The following SLC5A11 variants were observed in gnomAD, a reference collection of about 807,000 sequenced individuals.
SLC5A11 encodes the protein solute carrier family 5 member 11, also known as sodium/myo-inositol cotransporter 2.
Under a neutral mutation model 69.8 loss-of-function variants are expected in SLC5A11, and 48 were observed. The ratio of observed to expected loss-of-function variants is 0.69; its 90% CI spans 0.55 to 0.87. The LOEUF is 0.87. Among genes scored for constraint, SLC5A11 ranks in the 40% least tolerant of loss-of-function variants. The pLI is 0.00. For synonymous variants in SLC5A11, 319 were observed against 342.4 expected (o/e 0.93, Z 0.75); for missense variants, 784 against 866.1 (o/e 0.91, Z 1.19).
intron 3 of SLC5A11, among the ~76,000 whole-genome samples, chr16:24,863,116 A>G (rs1258375287): frequency 6.8e-6 from 1 of 146,570 alleles, no homozygotes; most frequent in Non-Finnish European, 1.5e-5. Context: ...TATAATAAAT[A>G]TGTAAATATA....
chr16:24,906,620 C>A (rs761251826), intron 10 of SLC5A11, 37 bp from the exon 12 acceptor site: 3 of 1,478,610 alleles, frequency 2.0e-6, no homozygotes, highest in Non-Finnish European at 2.8e-6. Context: ...CTCTGGGGGC[C>A]TGACTGCTCA....
intron 10 of SLC5A11, among the ~76,000 whole-genome samples, chr16:24,901,849 C>T (rs887575382): frequency 6.6e-5 from 10 of 151,468 alleles, no homozygotes; most frequent in Non-Finnish European, 1.5e-4. Flanking sequence ...CTTTGGGAGG[C>T]CAAGGCAGGA....
In SLC5A11 at chr16:24,884,142, T is replaced by A. The variant is rs765283713; in HGVS notation, c.664+11T>A. On this transcript the variant is annotated intron_variant, in intron 8 of 15. Transcript: ENST00000347898. Reference sequence around the variant, plus strand: ...CCTTGATGGGCTACAGTAAGTGGGGTCCCCGGGTCACTGGGGCGGACAACA... The same window carrying A: ...CCTTGATGGGCTACAGTAAGTGGGGACCCCGGGTCACTGGGGCGGACAACA... 1.9e-6 allele frequency: 3 copies of A among 1,613,566 alleles called. No homozygotes were observed. Among genetic ancestry groups the A allele is most frequent in the Non-Finnish European group, 2.5e-6 (3 of 1,179,678 alleles).
At chr16:24,891,210 T>C (rs1037153185) in intron 9 of SLC5A11, 136 bp downstream of exon 10, 3 of 753,450 alleles carry the variant, frequency 4.0e-6, no homozygotes, top group Non-Finnish European at 6.6e-6. Context: ...CTTCCTCCTT[T>C]CCATTGCTCT....
chr16:24,885,390 T>TA (rs36056500), intron 8 of SLC5A11, among the ~76,000 whole-genome samples: 58,042 of 151,926 alleles, frequency 0.38, 12,293 homozygotes, highest in Non-Finnish European at 0.48. Flanking sequence ...CTCACACCTG[T>TA]AATCCCAGCA....
chr16:24,884,171 C>T (rs375563059), intron 8 of SLC5A11, 40 bp downstream of exon 9: 4 of 1,585,368 alleles, frequency 2.5e-6, no homozygotes, highest in Non-Finnish European at 3.5e-6. Flanking sequence ...GACAACAGCA[C>T]CTCTCTCCAG....
At chr16:24,865,079 G>A (rs905313784) in intron 3 of SLC5A11, among the ~76,000 whole-genome samples, 3 of 151,868 alleles carry the variant, frequency 2.0e-5, no homozygotes, top group African/African-American at 7.3e-5. Context: ...GGGGCAGAAA[G>A]AATAATAAAA....
intron 10 of SLC5A11, among the ~76,000 whole-genome samples, chr16:24,902,960 T>C (rs1219408987): frequency 6.6e-6 from 1 of 152,210 alleles, no homozygotes; most frequent in Non-Finnish European, 1.5e-5. Flanking sequence ...TACTCTATCA[T>C]ATGATACAAG....
At chr16:24,872,052 C>T (rs2047337448) in intron 4 of SLC5A11, 108 bp from the exon 6 acceptor site, 1 of 1,261,024 alleles carries the variant, frequency 7.9e-7, no homozygotes, top group Non-Finnish European at 1.2e-6. Flanking sequence ...TAAGAGACTA[C>T]ACCAGAGGTG....
At chr16:24,853,078 C>T (rs1206354145) in intron 1 of SLC5A11, among the ~76,000 whole-genome samples, 1 of 151,670 alleles carries the variant, frequency 6.6e-6, no homozygotes, top group South Asian at 2.1e-4. Flanking sequence ...GGGTCTAGCA[C>T]AGAGCATGGC....
intron 9 of SLC5A11, among the ~76,000 whole-genome samples, chr16:24,897,575 C>T (rs1223355261): frequency 1.3e-5 from 2 of 152,160 alleles, no homozygotes; most frequent in East Asian, 3.9e-4. Context: ...CCTTCTAATA[C>T]AGTCTGTTCT....
At chr16:24,859,691 G>C (rs1168730920) in intron 2 of SLC5A11, among the ~76,000 whole-genome samples, 2 of 152,072 alleles carry the variant, frequency 1.3e-5, no homozygotes, top group Non-Finnish European at 2.9e-5. Flanking sequence ...TCACTTCTCA[G>C]TATCTTTTAG....
chr16:24,855,954 C>T (rs1037274790), intron 1 of SLC5A11, among the ~76,000 whole-genome samples: 3 of 152,172 alleles, frequency 2.0e-5, no homozygotes, highest in Non-Finnish European at 2.9e-5. Flanking sequence ...GGAGTCACTA[C>T]CTCCAGAATA....
chr16:24,908,455 C>T (rs961862233), intron 13 of SLC5A11, among the ~76,000 whole-genome samples: 15 of 151,606 alleles, frequency 9.9e-5, no homozygotes, highest in South Asian at 2.1e-4. Context: ...AAAAATTAGC[C>T]GGGTGTGGTG....
At chr16:24,905,788 T>C (rs776320488) in intron 10 of SLC5A11, among the ~76,000 whole-genome samples, 2 of 152,142 alleles carry the variant, frequency 1.3e-5, no homozygotes, top group Non-Finnish European at 2.9e-5. Context: ...CAATATAATC[T>C]GGAGAAACTA....
chr16:24,866,015 A>T (rs1330873729), intron 3 of SLC5A11, among the ~76,000 whole-genome samples: 1 of 150,892 alleles, frequency 6.6e-6, no homozygotes, highest in African/African-American at 2.4e-5. Context: ...CCTCAGAGCA[A>T]TCACTAAGAA....
intron 1 of SLC5A11, among the ~76,000 whole-genome samples, chr16:24,854,361 C>A (rs562343766): frequency 8.3e-4 from 126 of 152,278 alleles, no homozygotes; most frequent in African/African-American, 2.9e-3. Flanking sequence ...CCAGCTTTGT[C>A]ACTTGTCAGC....
At chr16:24,905,366 C>A (rs1353837315) in intron 10 of SLC5A11, among the ~76,000 whole-genome samples, 1 of 150,550 alleles carries the variant, frequency 6.6e-6, no homozygotes, top group Non-Finnish European at 1.5e-5. Flanking sequence ...ATCGCTTGAA[C>A]CTGGAAGAGG....
intron 2 of SLC5A11, among the ~76,000 whole-genome samples, chr16:24,861,557 AAGAAAGAAAGAGAG>A (rs1210920786): frequency 1.3e-5 from 2 of 150,464 alleles, no homozygotes; most frequent in African/African-American, 2.4e-5. Context: ...AATAAAAGAA[AAGAAAGAAAGAGAG>A]AGAAAGAAAG....
Sources: gnomAD v4.1 joint callset for allele counts (sites outside exome capture counted in the v4.1 genomes callset) on GRCh38, gnomAD v4.1.1 for gene constraint, MANE v1.5 for transcripts, NCBI Gene and HGNC (gene_info 2026-07-23, HGNC 2026-07-21) for gene names.